EYA4: variants seen among roughly 807,000 people sequenced by gnomAD.
EYA4 encodes protein phosphatase EYA4.
In EYA4, 31 loss-of-function variants were observed where a neutral mutation model predicts 87.9. That is an observed-to-expected ratio of 0.35 (90% CI 0.27 to 0.48). The LOEUF (loss-of-function observed/expected upper bound fraction) is 0.48. EYA4 is among the 20% of genes least tolerant of loss of function. The pLI is 0.99. For missense variants in EYA4, 678 were observed against 761.4 expected (o/e 0.89, Z 1.29); for synonymous variants, 263 against 270.6 (o/e 0.97, Z 0.28).
chr6:133,302,462 G>A (rs962164634), intron 2 of EYA4, among the ~76,000 whole-genome samples: 6 of 152,100 alleles, frequency 3.9e-5, no homozygotes, highest in Non-Finnish European at 5.9e-5. Context: ...ATTAATAATC[G>A]TTTCTCAATT....
chr6:133,510,925 C>G (rs1270833742), intron 14 of EYA4, among the ~76,000 whole-genome samples: 1 of 152,034 alleles, frequency 6.6e-6, no homozygotes, highest in South Asian at 2.1e-4. Context: ...TAGATTGTGC[C>G]GTAAGTGGGG....
At chr6:133,317,856 C>T (rs781219337) in intron 2 of EYA4, among the ~76,000 whole-genome samples, 13 of 151,676 alleles carry the variant, frequency 8.6e-5, no homozygotes, top group African/African-American at 1.5e-4. Context: ...CTCCCATGCC[C>T]GCATCCAGGC....
chr6:133,527,232 T>A (rs567571319), intron 19 of EYA4, among the ~76,000 whole-genome samples: 1 of 152,346 alleles, frequency 6.6e-6, no homozygotes, highest in African/African-American at 2.4e-5. Flanking sequence ...GGTAATCGCA[T>A]GTGCAGAAAT....
At chr6:133,453,801 A>C (rs1793668003) in intron 5 of EYA4, 2 of 152,128 alleles carry the variant, frequency 1.3e-5, no homozygotes, top group Admixed American at 1.3e-4. Context: ...ATTTTAGTAA[A>C]GCTAACACAT....
intron 3 of EYA4, among the ~76,000 whole-genome samples, chr6:133,431,233 A>G (rs1791154871): frequency 1.3e-5 from 2 of 152,122 alleles, no homozygotes; most frequent in Admixed American, 6.5e-5. Flanking sequence ...TGTGGGAGGA[A>G]TTTGGGAACT....
chr6:133,388,177 C>T (rs888397496), intron 3 of EYA4, among the ~76,000 whole-genome samples: 6 of 151,950 alleles, frequency 3.9e-5, no homozygotes, highest in African/African-American at 1.2e-4. Context: ...GAGGCTGAGG[C>T]GGGTGGATCA....
intron 3 of EYA4, among the ~76,000 whole-genome samples, chr6:133,383,996 T>A (rs1325163446): frequency 6.6e-6 from 1 of 152,190 alleles, no homozygotes; most frequent in Non-Finnish European, 1.5e-5. Context: ...TTAGATAATT[T>A]TTGCAAGCAG....
rs575794897 is a variant in EYA4, at chr6:133,357,100, T to A, written c.34-25292T>A. On this transcript the variant is annotated intron_variant, in intron 2 of 19. Coordinates refer to ENST00000355286, the MANE Select transcript of EYA4 (RefSeq NM_004100.5). Reference sequence around the variant, plus strand: ...TCCTGGCTAAAACAGTGAAACCCCGTCTCTACTAAAAATACAAAAAATTAG... The same window carrying A: ...TCCTGGCTAAAACAGTGAAACCCCGACTCTACTAAAAATACAAAAAATTAG... 3.0e-3 allele frequency among the ~76,000 whole-genome samples: 448 copies of A among 151,270 alleles called. 4 individuals are homozygous for A. Among genetic ancestry groups the A allele is most frequent in the African/African-American group, 0.01 (431 of 41,228 alleles).
At chr6:133,413,653 T>G (rs1160335256) in intron 3 of EYA4, among the ~76,000 whole-genome samples, 1 of 152,188 alleles carries the variant, frequency 6.6e-6, no homozygotes, top group Non-Finnish European at 1.5e-5. Flanking sequence ...CACTTGTATC[T>G]TTTTACTTAC....
At chr6:133,322,999 A>G (rs138829897) in intron 2 of EYA4, among the ~76,000 whole-genome samples, 101 of 152,216 alleles carry the variant, frequency 6.6e-4, no homozygotes, top group African/African-American at 2.3e-3. Context: ...TTGTTTCTAA[A>G]TATAAATATT....
intron 2 of EYA4, among the ~76,000 whole-genome samples, chr6:133,335,574 A>C (rs1782303144): frequency 6.6e-6 from 1 of 152,196 alleles, no homozygotes; most frequent in Non-Finnish European, 1.5e-5. Context: ...AGTGCTGCAG[A>C]GTTAGGTAAG....
At chr6:133,428,896 G>A (rs1790911964) in intron 3 of EYA4, among the ~76,000 whole-genome samples, 1 of 128,918 alleles carries the variant, frequency 7.8e-6, no homozygotes, top group Admixed American at 8.0e-5. Context: ...CTGGGGCTGA[G>A]GGTAGATTTA....
chr6:133,460,801 A>G (rs1794315370), intron 6 of EYA4, among the ~76,000 whole-genome samples: 1 of 152,082 alleles, frequency 6.6e-6, no homozygotes, highest in South Asian at 2.1e-4. Flanking sequence ...TTATATTTTG[A>G]AAGCTTAATT....
intron 2 of EYA4, among the ~76,000 whole-genome samples, chr6:133,285,576 A>T (rs1343845563): frequency 1.3e-5 from 2 of 152,214 alleles, no homozygotes; most frequent in Non-Finnish European, 1.5e-5. Flanking sequence ...TCTTAGTGAC[A>T]TGTAAAGCAA....
intron 3 of EYA4, among the ~76,000 whole-genome samples, chr6:133,393,371 A>G (rs1057362697): frequency 6.6e-6 from 1 of 152,246 alleles, no homozygotes; most frequent in African/African-American, 2.4e-5. Flanking sequence ...AAACAAGAGC[A>G]TACATGGTAA....
At chr6:133,313,934 G>A (rs1164613956) in intron 2 of EYA4, among the ~76,000 whole-genome samples, 1 of 152,094 alleles carries the variant, frequency 6.6e-6, no homozygotes, top group Non-Finnish European at 1.5e-5. Context: ...ACTTTGGTTA[G>A]AAATGGTCTG....
At position 133,513,079 on chromosome 6, in the gene EYA4, A is replaced by G. The variant is rs370969313; in HGVS notation, c.1501+41A>G. On this transcript the variant is annotated intron_variant, in intron 16 of 19. Transcript: ENST00000355286. Reference sequence around the variant, plus strand: ...TCAATCTAACAAAGGTACTCTGGGTATAGGTAGAATTCAATCTGTAGTTTC... The same window carrying G: ...TCAATCTAACAAAGGTACTCTGGGTGTAGGTAGAATTCAATCTGTAGTTTC... 1.0e-4 allele frequency: 160 copies of G among 1,558,886 alleles called. 1 individual carries two copies. Among genetic ancestry groups the G allele is most frequent in the East Asian group, 7.6e-4 (34 of 44,594 alleles).
At chr6:133,397,959 T>C (rs1787942129) in intron 3 of EYA4, among the ~76,000 whole-genome samples, 3 of 152,324 alleles carry the variant, frequency 2.0e-5, no homozygotes, top group Admixed American at 2.0e-4. Context: ...AAGATTTGGA[T>C]GGGGACACAG....
At chr6:133,464,996 T>A (rs1372472815) in intron 10 of EYA4, 138 bp downstream of exon 10, 1 of 643,226 alleles carries the variant, frequency 1.6e-6, no homozygotes, top group African/African-American at 1.8e-5. Flanking sequence ...TTCAGGATAG[T>A]AAAAAATTAG....
Sources: allele counts gnomAD v4.1 joint callset (sites outside exome capture counted in the v4.1 genomes callset), GRCh38; gene constraint gnomAD v4.1.1; transcripts MANE v1.5; gene names NCBI Gene and HGNC (gene_info 2026-07-23, HGNC 2026-07-21).